ERBB4: variants seen among roughly 807,000 people sequenced by gnomAD.
The protein encoded by ERBB4 is erb-b2 receptor tyrosine kinase 4.
ERBB4 carries 42 observed loss-of-function variants against 158.0 expected under a neutral mutation model. The observed-to-expected ratio is 0.27, with a 90% CI of 0.21 to 0.34. The LOEUF (loss-of-function observed/expected upper bound fraction) is 0.34, where lower values mean the gene tolerates loss of function less well. ERBB4 is among the 10% of genes least tolerant of loss of function. ERBB4 has a pLI of 1.00. For missense variants in ERBB4, 1,333 were observed against 1,624.1 expected, an observed-to-expected ratio of 0.82 and a Z score of 3.08; for synonymous variants, 583 against 558.7, an observed-to-expected ratio of 1.04 and a Z score of -0.61.
At chr2:211,657,257 C>T (rs1029258981) in intron 16 of ERBB4, among the ~76,000 whole-genome samples, 1 of 151,680 alleles carries the variant, frequency 6.6e-6, no homozygotes, top group Non-Finnish European at 1.5e-5. Flanking sequence ...ACTTGTAATC[C>T]CAGTACTTTG....
intron 20 of ERBB4, among the ~76,000 whole-genome samples, chr2:211,494,416 G>A (rs903670966): frequency 6.6e-6 from 1 of 151,954 alleles, no homozygotes; most frequent in African/African-American, 2.4e-5. Context: ...TGCCACAGCA[G>A]TAAACATGAA....
Position 212,404,005 on chromosome 2 carries a change from T to A in ERBB4, c.82+134444A>T, listed in dbSNP as rs189149309. 1.8e-3 allele frequency among the ~76,000 whole-genome samples: 272 copies of A among 152,166 alleles called. 2 individuals are homozygous for A. Among genetic ancestry groups the A allele is most frequent in the African/African-American group, 6.2e-3 (256 of 41,566 alleles). ...GAAGGCAGGTAAAGGCATTGTAGAC[T>A]GAACGTTTCAGATGGCTTCAAACTA... On this transcript the variant is annotated intron_variant, in intron 1 of 27. Coordinates refer to ENST00000342788, the MANE Select transcript of ERBB4 (RefSeq NM_005235.3).
At chr2:212,040,639 A>G (rs776052281) in intron 2 of ERBB4, among the ~76,000 whole-genome samples, 1 of 152,080 alleles carries the variant, frequency 6.6e-6, no homozygotes, top group Non-Finnish European at 1.5e-5. Flanking sequence ...CATACCTAGC[A>G]TGGTAGCTCC....
chr2:211,586,774 C>T (rs2125783582), intron 19 of ERBB4, among the ~76,000 whole-genome samples: 1 of 152,250 alleles, frequency 6.6e-6, no homozygotes, highest in South Asian at 2.1e-4. Context: ...TTGGCTTTGG[C>T]TGTAGCTGTT....
chr2:212,457,497 T>C (rs1314250217), intron 1 of ERBB4, among the ~76,000 whole-genome samples: 1 of 152,088 alleles, frequency 6.6e-6, no homozygotes, highest in Non-Finnish European at 1.5e-5. Flanking sequence ...ACGAAGGTGA[T>C]AATAAGCTTC....
chr2:211,810,639 T>C, intron 3 of ERBB4, among the ~76,000 whole-genome samples: 1 of 151,692 alleles, frequency 6.6e-6, no homozygotes, highest in East Asian at 1.9e-4. Flanking sequence ...TCTTGACTCT[T>C]TATCCAATTT....
chr2:211,549,840 G>A (rs1411943129), intron 20 of ERBB4, among the ~76,000 whole-genome samples: 1 of 152,120 alleles, frequency 6.6e-6, no homozygotes, highest in Admixed American at 6.5e-5. Context: ...ATGAGCCAAC[G>A]ACAAAATTCA....
chr2:212,105,411 A>T (rs1413788060), intron 2 of ERBB4, among the ~76,000 whole-genome samples: 1 of 152,198 alleles, frequency 6.6e-6, no homozygotes, highest in African/African-American at 2.4e-5. Context: ...CTGTGTTTCT[A>T]TATCTTAAAC....
intron 2 of ERBB4, among the ~76,000 whole-genome samples, chr2:212,078,420 A>C (rs1036923258): frequency 6.6e-6 from 1 of 152,006 alleles, no homozygotes; most frequent in African/African-American, 2.4e-5. Context: ...AACAGCGTAG[A>C]TAATATCCTA....
At position 211,956,048 on chromosome 2, in the gene ERBB4, G is replaced by C. The variant is rs181339469; in HGVS notation, c.235-8432C>G. Reference sequence around the variant, plus strand: ...CTCTAAAGTGTGTGTGTGTGTGTGTGTGTGTGTGTGTGTGTATTTGTTTTC... The same window carrying C: ...CTCTAAAGTGTGTGTGTGTGTGTGTCTGTGTGTGTGTGTGTATTTGTTTTC... On this transcript the variant is annotated intron_variant, in intron 2 of 27. Coordinates refer to ENST00000342788, the MANE Select transcript of ERBB4 (RefSeq NM_005235.3). Among the ~76,000 whole-genome samples the C allele has an allele frequency of 8.4e-3, 1,279 of 151,814 alleles. 14 individuals are homozygous for C. Among genetic ancestry groups the C allele is most frequent in the African/African-American group, 0.029 (1,220 of 41,438 alleles).
intron 2 of ERBB4, among the ~76,000 whole-genome samples, chr2:212,049,582 A>T (rs539561339): frequency 1.2e-4 from 19 of 152,280 alleles, no homozygotes; most frequent in African/African-American, 4.6e-4. Context: ...TTGTTTTCTC[A>T]GTACTTCTCA....
intron 20 of ERBB4, among the ~76,000 whole-genome samples, chr2:211,473,744 T>G (rs893528647): frequency 1.3e-5 from 2 of 151,942 alleles, no homozygotes; most frequent in African/African-American, 4.8e-5. Context: ...GGGAGCTCTA[T>G]CTCCCTATTT....
At chr2:211,463,348 T>C (rs925825034) in intron 20 of ERBB4, among the ~76,000 whole-genome samples, 1 of 152,204 alleles carries the variant, frequency 6.6e-6, no homozygotes, top group Non-Finnish European at 1.5e-5. Context: ...AATATTGCTA[T>C]GTGGATTGCA....
chr2:211,617,353 C>A (rs1559352208), intron 19 of ERBB4, among the ~76,000 whole-genome samples: 2 of 151,992 alleles, frequency 1.3e-5, no homozygotes, highest in Non-Finnish European at 2.9e-5. Flanking sequence ...TTTCCCTTCA[C>A]AAATTTATAG....
chr2:212,011,137 A>C (rs1211045210), intron 2 of ERBB4, among the ~76,000 whole-genome samples: 1 of 152,170 alleles, frequency 6.6e-6, no homozygotes, highest in African/African-American at 2.4e-5. Flanking sequence ...GGTGATGTAC[A>C]TCCTTAGCTT....
intron 20 of ERBB4, among the ~76,000 whole-genome samples, chr2:211,498,620 G>A (rs2065536118): frequency 6.6e-6 from 1 of 152,002 alleles, no homozygotes. Flanking sequence ...AGTAACAATT[G>A]ACTCCATAGT....
At chr2:212,467,887 C>G (rs937731620) in intron 1 of ERBB4, among the ~76,000 whole-genome samples, 1 of 152,210 alleles carries the variant, frequency 6.6e-6, no homozygotes, top group Non-Finnish European at 1.5e-5. Context: ...TCCTGCAAAG[C>G]CATAAGGGCA....
chr2:211,532,210 C>T (rs1157019325), intron 20 of ERBB4, among the ~76,000 whole-genome samples: 1 of 151,808 alleles, frequency 6.6e-6, no homozygotes, highest in African/African-American at 2.4e-5. Context: ...TGAATAAAAC[C>T]TAACATTTGC....
chr2:211,792,841 T>G (rs1487874625), intron 3 of ERBB4, among the ~76,000 whole-genome samples: 1 of 151,976 alleles, frequency 6.6e-6, no homozygotes, highest in Non-Finnish European at 1.5e-5. Context: ...AGGAAATGTT[T>G]GTGTTATTTA....
Sources: allele counts gnomAD v4.1 joint callset (sites outside exome capture counted in the v4.1 genomes callset), GRCh38; gene constraint gnomAD v4.1.1; transcripts MANE v1.5; gene names NCBI Gene and HGNC (gene_info 2026-07-23, HGNC 2026-07-21).